DPP10: variants seen among roughly 807,000 people sequenced by gnomAD.
DPP10 encodes the protein dipeptidyl peptidase like 10, also known as inactive dipeptidyl peptidase 10.
Under a neutral mutation model 120.9 loss-of-function variants are expected in DPP10, and 33 were observed. The ratio of observed to expected loss-of-function variants is 0.27; its 90% CI spans 0.21 to 0.37. The LOEUF is 0.37. Among genes scored for constraint, DPP10 ranks in the 10% least tolerant of loss-of-function variants. The pLI is 1.00. For synonymous variants in DPP10, 337 were observed against 326.1 expected (o/e 1.03, Z -0.36); for missense variants, 816 against 942.8 (o/e 0.87, Z 1.76).
At chr2:115,061,394 T>C (rs17043964) in intron 1 of DPP10, among the ~76,000 whole-genome samples, 22,258 of 152,176 alleles carry the variant, frequency 0.15, 1,737 homozygotes, top group African/African-American at 0.21. Context: ...TTATTCTTTG[T>C]GATGGAAAAG....
chr2:115,226,647 A>T (rs1217848563), intron 1 of DPP10, among the ~76,000 whole-genome samples: 1 of 152,198 alleles, frequency 6.6e-6, no homozygotes, highest in Non-Finnish European at 1.5e-5. Flanking sequence ...ATGACACTTT[A>T]TTGAGCACTT....
intron 19 of DPP10, 63 bp downstream of exon 19, chr2:115,791,419 A>G (rs551894302): frequency 3.6e-6 from 5 of 1,405,150 alleles, no homozygotes; most frequent in African/African-American, 1.5e-5. Flanking sequence ...TGTGTCTCAC[A>G]TGACAACATT....
chr2:115,062,853 G>A (rs1706529228), intron 1 of DPP10, among the ~76,000 whole-genome samples: 1 of 152,146 alleles, frequency 6.6e-6, no homozygotes, highest in Non-Finnish European at 1.5e-5. Context: ...ATGAATATAT[G>A]CATGCATGTA....
chr2:115,001,187 C>T (rs762911838), intron 1 of DPP10, among the ~76,000 whole-genome samples: 1 of 152,144 alleles, frequency 6.6e-6, no homozygotes, highest in Non-Finnish European at 1.5e-5. Context: ...ATTTTCAGTG[C>T]TAACCATTAT....
intron 5 of DPP10, among the ~76,000 whole-genome samples, chr2:115,542,433 G>A (rs1203646510): frequency 6.6e-6 from 1 of 151,858 alleles, no homozygotes; most frequent in Non-Finnish European, 1.5e-5. Context: ...TTCCATTGCT[G>A]AGTAGTAGAC....
At chr2:114,747,438 A>AT (rs1678681403) in intron 1 of DPP10, among the ~76,000 whole-genome samples, 1 of 152,236 alleles carries the variant, frequency 6.6e-6, no homozygotes, top group Admixed American at 6.5e-5. Flanking sequence ...TCCAATGTAC[A>AT]TTTTCCATCA....
intron 1 of DPP10, among the ~76,000 whole-genome samples, chr2:115,029,176 T>C (rs980323044): frequency 6.6e-6 from 1 of 152,112 alleles, no homozygotes; most frequent in South Asian, 2.1e-4. Flanking sequence ...GTTAAGTGTT[T>C]TTCTCTGGTA....
intron 1 of DPP10, among the ~76,000 whole-genome samples, chr2:115,164,072 CCTTT>C (rs937306088): frequency 3.3e-5 from 5 of 151,886 alleles, no homozygotes; most frequent in African/African-American, 9.7e-5. Context: ...ATTTTAAGTG[CCTTT>C]CTGAGTATTG....
chr2:114,675,550 G>A (rs1037640666), intron 1 of DPP10, among the ~76,000 whole-genome samples: 2 of 151,994 alleles, frequency 1.3e-5, no homozygotes, highest in African/African-American at 4.8e-5. Context: ...TACATTTCAC[G>A]ATAACAAATG....
At chr2:114,640,611 G>T (rs1695635683) in intron 1 of DPP10, among the ~76,000 whole-genome samples, 1 of 151,710 alleles carries the variant, frequency 6.6e-6, no homozygotes, top group South Asian at 2.1e-4. Context: ...GTTCCCTCCT[G>T]TCTCTGTCCT....
intron 1 of DPP10, among the ~76,000 whole-genome samples, chr2:114,931,905 G>A (rs1165995729): frequency 6.6e-6 from 1 of 152,156 alleles, no homozygotes; most frequent in Admixed American, 6.5e-5. Context: ...TGTTGCATGG[G>A]ACATAATTAT....
rs1181741250 is a variant in DPP10, at chr2:114,679,140, T to C, written c.60+236302T>C. ...CAGTGGTTCATGAAACTCTAATGCA[T>C]GGCAGTTGTTTGAGAGGATTTTACT... On this transcript the variant is annotated intron_variant, in intron 1 of 25. Transcript: ENST00000410059. 3.9e-5 allele frequency among the ~76,000 whole-genome samples: 6 copies of C among 152,194 alleles called. 1 individual carries two copies. In the South Asian group the frequency reaches 1.0e-3, roughly 26 times the overall value.
intron 1 of DPP10, among the ~76,000 whole-genome samples, chr2:114,805,745 C>A (rs982614521): frequency 6.6e-6 from 1 of 152,200 alleles, no homozygotes; most frequent in African/African-American, 2.4e-5. Flanking sequence ...GCTCTCACCT[C>A]AAATTCTGCT....
intron 7 of DPP10, among the ~76,000 whole-genome samples, chr2:115,704,406 A>G (rs184576268): frequency 1.5e-3 from 223 of 151,854 alleles, no homozygotes; most frequent in African/African-American, 5.2e-3. Context: ...TTATGTTGTT[A>G]TCTTCTACCA....
intron 1 of DPP10, among the ~76,000 whole-genome samples, chr2:114,766,525 C>T (rs755420992): frequency 2.6e-5 from 4 of 152,002 alleles, no homozygotes; most frequent in Non-Finnish European, 4.4e-5. Flanking sequence ...TGGAAACAAC[C>T]CAAATATCCT....
At chr2:115,835,002 C>T (rs1355393590) in intron 21 of DPP10, among the ~76,000 whole-genome samples, 1 of 150,368 alleles carries the variant, frequency 6.7e-6, no homozygotes, top group Non-Finnish European at 1.5e-5. Flanking sequence ...AGGAGAATGG[C>T]GTGAACCCGG....
At chr2:115,494,660 G>A (rs2076299376) in intron 3 of DPP10, among the ~76,000 whole-genome samples, 1 of 152,046 alleles carries the variant, frequency 6.6e-6, no homozygotes, top group African/African-American at 2.4e-5. Context: ...AGCATTTCCT[G>A]TGATAGTCAT....
chr2:114,461,378 G>A (rs1420899376), intron 1 of DPP10, among the ~76,000 whole-genome samples: 4 of 152,146 alleles, frequency 2.6e-5, no homozygotes, highest in African/African-American at 4.8e-5. Flanking sequence ...AAAGAGAGGC[G>A]CCAAGCCTGC....
At chr2:115,479,840 C>T (rs1237550028) in intron 3 of DPP10, among the ~76,000 whole-genome samples, 1 of 152,064 alleles carries the variant, frequency 6.6e-6, no homozygotes, top group Non-Finnish European at 1.5e-5. Flanking sequence ...TGCTGTTGTG[C>T]TGCTACCATG....
Sources: allele counts gnomAD v4.1 joint callset (sites outside exome capture counted in the v4.1 genomes callset), GRCh38; gene constraint gnomAD v4.1.1; transcripts MANE v1.5; gene names NCBI Gene and HGNC (gene_info 2026-07-23, HGNC 2026-07-21).